Variants in C10orf67 observed in about 807,000 individuals in gnomAD.
C10orf67 encodes uncharacterized protein C10orf67, mitochondrial.
C10orf67 carries 60 observed loss-of-function variants against 35.6 expected under a neutral mutation model. The ratio of observed to expected loss-of-function variants is 1.68; its 90% CI spans 1.37 to 2.09. C10orf67 has a LOEUF of 2.09. C10orf67 is among the 30% of genes most tolerant of loss of function. C10orf67 has a pLI of 0.00. For synonymous variants in C10orf67, 167 were observed against 115.8 expected (o/e 1.44, Z -2.84); for missense variants, 474 against 330.2 (o/e 1.44, Z -3.38).
intron 10 of C10orf67, among the ~76,000 whole-genome samples, chr10:23,262,079 A>G (rs1165174803): frequency 6.6e-6 from 1 of 152,188 alleles, no homozygotes; most frequent in Non-Finnish European, 1.5e-5. Flanking sequence ...GTCCACTGCC[A>G]GCATCTAGAG....
chr10:23,258,076 A>G (rs1291360700), intron 10 of C10orf67: 2 of 152,280 alleles, frequency 1.3e-5, no homozygotes, highest in Non-Finnish European at 2.9e-5. Flanking sequence ...GCTCGCTGGA[A>G]CAGGCTGGAT....
At chr10:23,302,062 C>A (rs919149646) in intron 5 of C10orf67, among the ~76,000 whole-genome samples, 1 of 152,272 alleles carries the variant, frequency 6.6e-6, no homozygotes, top group African/African-American at 2.4e-5. Context: ...CAAGCCGTAA[C>A]AAACACGGAC....
intron 8 of C10orf67, among the ~76,000 whole-genome samples, chr10:23,268,419 T>G (rs1174574699): frequency 6.6e-6 from 1 of 152,254 alleles, no homozygotes; most frequent in East Asian, 1.9e-4. Flanking sequence ...ATGCCAGTGA[T>G]TCTAATTATA....
chr10:23,301,063 A>G (rs1225623920), intron 5 of C10orf67, among the ~76,000 whole-genome samples: 1 of 152,244 alleles, frequency 6.6e-6, no homozygotes, highest in Non-Finnish European at 1.5e-5. Flanking sequence ...TCTGAGAAAG[A>G]AAAAGGTACA....
At chr10:23,288,284 C>T (rs992025342) in intron 7 of C10orf67, among the ~76,000 whole-genome samples, 1 of 152,166 alleles carries the variant, frequency 6.6e-6, no homozygotes, top group Non-Finnish European at 1.5e-5. Context: ...GAATACTATG[C>T]AGCCATAAAA....
intron 1 of C10orf67, among the ~76,000 whole-genome samples, chr10:23,334,146 C>G (rs544786411): frequency 7.6e-4 from 115 of 152,234 alleles, no homozygotes; most frequent in African/African-American, 2.7e-3. Flanking sequence ...TTTTTTAAGA[C>G]TACAGAGAGG....
chr10:23,326,978 GATA>G (rs897088425), intron 2 of C10orf67, among the ~76,000 whole-genome samples: 7 of 151,924 alleles, frequency 4.6e-5, no homozygotes, highest in African/African-American at 9.7e-5. Flanking sequence ...TGAAATACTT[GATA>G]ATAATAATAA....
intron 15 of C10orf67, among the ~76,000 whole-genome samples, chr10:23,204,915 C>A (rs1841118010): frequency 6.6e-6 from 1 of 152,116 alleles, no homozygotes; most frequent in South Asian, 2.1e-4. Flanking sequence ...TGAAGGGGAA[C>A]AAAGGCCCTG....
chr10:23,207,646 G>A (rs1021532817), intron 15 of C10orf67, among the ~76,000 whole-genome samples: 2 of 152,146 alleles, frequency 1.3e-5, no homozygotes, highest in African/African-American at 2.4e-5. Flanking sequence ...AAACCACATC[G>A]GTCACAGTTG....
intron 5 of C10orf67, among the ~76,000 whole-genome samples, chr10:23,294,369 A>C (rs1843815691): frequency 6.6e-6 from 1 of 150,790 alleles, no homozygotes; most frequent in African/African-American, 2.4e-5. Flanking sequence ...ATGCACAGGC[A>C]CACACACACA....
intron 4 of C10orf67, among the ~76,000 whole-genome samples, chr10:23,303,971 C>T (rs1404344836): frequency 3.3e-5 from 5 of 152,180 alleles, no homozygotes; most frequent in Non-Finnish European, 7.3e-5. Flanking sequence ...CCAGAAATTG[C>T]TTCATTGCCC....
At chr10:23,209,998 TAA>T (rs59247961) in intron 15 of C10orf67, among the ~76,000 whole-genome samples, 748 of 67,164 alleles carry the variant, frequency 0.011, 5 homozygotes, top group African/African-American at 0.038. Flanking sequence ...AGACCTTGGC[TAA>T]AAAAAAAAAA....
At chr10:23,343,462 G>T (rs927007089) in intron 1 of C10orf67, among the ~76,000 whole-genome samples, 1 of 152,182 alleles carries the variant, frequency 6.6e-6, no homozygotes, top group Non-Finnish European at 1.5e-5. Flanking sequence ...ACAAATTCCT[G>T]TTGCTTATAA....
intron 7 of C10orf67, among the ~76,000 whole-genome samples, chr10:23,283,825 T>C (rs554862306): frequency 6.6e-6 from 1 of 152,220 alleles, no homozygotes; most frequent in East Asian, 1.9e-4. Context: ...ATGCCTCTTG[T>C]GTGCCGCACA....
chr10:23,278,552 G>T (rs1478072736), intron 8 of C10orf67, among the ~76,000 whole-genome samples: 1 of 152,196 alleles, frequency 6.6e-6, no homozygotes, highest in East Asian at 1.9e-4. Context: ...GAAACAGCAG[G>T]TAAGATAACA....
intron 13 of C10orf67, among the ~76,000 whole-genome samples, chr10:23,234,079 T>C (rs1328682432): frequency 6.6e-6 from 1 of 152,326 alleles, no homozygotes; most frequent in South Asian, 2.1e-4. Context: ...TTGGTGGAAA[T>C]GTAAATTAGT....
chr10:23,241,110 C>A (rs746149813), intron 12 of C10orf67, among the ~76,000 whole-genome samples: 6 of 152,152 alleles, frequency 3.9e-5, no homozygotes, highest in African/African-American at 1.2e-4. Context: ...AACCTAATGG[C>A]GTTATGCTGA....
intron 4 of C10orf67, among the ~76,000 whole-genome samples, chr10:23,319,755 C>A (rs1021697388): frequency 1.3e-5 from 2 of 152,126 alleles, no homozygotes; most frequent in African/African-American, 4.8e-5. Flanking sequence ...TGAGAAAGAA[C>A]AACCTCCTCC....
downstream of C10orf67, chr10:23,202,386 C>T (rs558572601): frequency 1.3e-4 from 20 of 152,284 alleles, no homozygotes; most frequent in African/African-American, 4.6e-4. Flanking sequence ...ACTATGAAAC[C>T]GGCCTCAGCC....
Sources: allele counts gnomAD v4.1 joint callset (sites outside exome capture counted in the v4.1 genomes callset), GRCh38; gene constraint gnomAD v4.1.1; transcripts MANE v1.5; gene names NCBI Gene and HGNC (gene_info 2026-07-23, HGNC 2026-07-21).